OSGIN2: variants seen among roughly 807,000 people sequenced by gnomAD.
OSGIN2 encodes oxidative stress induced growth inhibitor family member 2, also known as oxidative stress-induced growth inhibitor 2.
In OSGIN2, 19 loss-of-function variants were observed where a neutral mutation model predicts 53.8. The ratio of observed to expected loss-of-function variants is 0.35; its 90% confidence interval spans 0.25 to 0.52. OSGIN2 has a LOEUF of 0.52. OSGIN2 is among the 20% of genes least tolerant of loss of function. OSGIN2 has a pLI of 0.95. For missense variants in OSGIN2, 520 were observed against 662.7 expected (o/e 0.78, Z 2.36); for synonymous variants, 236 against 236.0 (o/e 1.00, Z 0.00).
chr8:89,924,182 A>G (rs897498688), intron 5 of OSGIN2, among the ~76,000 whole-genome samples: 1 of 152,178 alleles, frequency 6.6e-6, no homozygotes, highest in Non-Finnish European at 1.5e-5. Flanking sequence ...CCAATTTTCA[A>G]ATATCCACAT....
chr8:89,919,081 T>C (rs912953502), intron 4 of OSGIN2, among the ~76,000 whole-genome samples: 1 of 152,210 alleles, frequency 6.6e-6, no homozygotes, highest in African/African-American at 2.4e-5. Context: ...GTATGTAGAC[T>C]TCGTAATGTA....
intron 1 of OSGIN2, among the ~76,000 whole-genome samples, chr8:89,907,178 GT>G (rs1377565980): frequency 6.6e-6 from 1 of 152,102 alleles, no homozygotes; most frequent in Non-Finnish European, 1.5e-5. Context: ...TGGATGCATA[GT>G]TTGCAAAAAT....
intron 1 of OSGIN2, among the ~76,000 whole-genome samples, chr8:89,907,171 A>G (rs1175279146): frequency 6.6e-6 from 1 of 152,032 alleles, no homozygotes; most frequent in African/African-American, 2.4e-5. Context: ...CCTTTGTTGG[A>G]TGCATAGTTT....
intron 4 of OSGIN2, among the ~76,000 whole-genome samples, chr8:89,920,415 A>G (rs940682602): frequency 3.3e-5 from 5 of 152,246 alleles, no homozygotes; most frequent in African/African-American, 1.2e-4. Flanking sequence ...TAGAGGTCAT[A>G]GGTATAACAG....
intron 4 of OSGIN2, among the ~76,000 whole-genome samples, chr8:89,920,625 GCTT>G (rs1809178076): frequency 6.6e-6 from 1 of 152,150 alleles, no homozygotes; most frequent in Non-Finnish European, 1.5e-5. Context: ...GGAGGGAAAA[GCTT>G]CTTTGTTGCT....
intron 3 of OSGIN2, 141 bp from the exon 4 acceptor site, chr8:89,914,414 T>C: frequency 1.4e-6 from 1 of 710,446 alleles, no homozygotes; most frequent in Non-Finnish European, 2.3e-6. Flanking sequence ...TGAATTATTT[T>C]CTAATGGAGA....
chr8:89,905,608 C>G (rs1167261231), intron 1 of OSGIN2, among the ~76,000 whole-genome samples: 2 of 152,102 alleles, frequency 1.3e-5, no homozygotes, highest in African/African-American at 4.8e-5. Context: ...GTTTTTGTTT[C>G]CTTGTTTTTC....
In OSGIN2 at chr8:89,902,675, A is replaced by G; in HGVS notation, c.-119A>G. The G allele has an allele frequency of 3.9e-6, 1 of 253,904 alleles. No homozygotes were observed. The highest frequency in any genetic ancestry group is 6.2e-6 in the Non-Finnish European group (1 of 160,122). The allele number at this position is 253,904 out of a possible 1,614,324, so 15.7% of individuals were successfully genotyped here. On this transcript the variant is annotated 5_prime_UTR_variant, in exon 1 of 6. Transcript: ENST00000451899. ...CCGCGGCAACGGCGAGGCGCGAGGC[A>G]GGGGCGCCCGGCAGACCCCGCGACC...
chr8:89,909,031 A>AT (rs1165001540), intron 1 of OSGIN2, among the ~76,000 whole-genome samples: 17 of 117,062 alleles, frequency 1.5e-4, no homozygotes, highest in East Asian at 2.4e-4. Flanking sequence ...AAAAAAAAAA[A>AT]AAAAAAATAT....
intron 1 of OSGIN2, among the ~76,000 whole-genome samples, chr8:89,908,101 C>T (rs1483165086): frequency 6.6e-6 from 1 of 152,116 alleles, no homozygotes; most frequent in Non-Finnish European, 1.5e-5. Context: ...GAATATAAAA[C>T]ATGTTAAATG....
rs1490012689 is a variant in OSGIN2 at position 89,925,221 on chromosome 8, ATATT to A, written c.1342_1345del (p.Phe448SerfsTer6). ...CCAAAGCGTTTCTGGATTGAAGAAAATATTTAAGCTGTCTGCAGCAGTAGTATTG... is the reference window on the plus strand; with the variant it reads ...CCAAAGCGTTTCTGGATTGAAGAAAATAAGCTGTCTGCAGCAGTAGTATTG... On this transcript the variant is annotated frameshift_variant, in exon 6 of 6. Coordinates refer to ENST00000451899, the MANE Select transcript of OSGIN2 (RefSeq NM_001126111.3). LOFTEE classifies it high-confidence loss of function. 3.7e-6 allele frequency: 6 copies of A among 1,613,992 alleles called. No individual in the cohort carries two copies. Among genetic ancestry groups the A allele is most frequent in the African/African-American group, 2.7e-5 (2 of 74,942 alleles).
chr8:89,920,128 T>C (rs190580474), intron 4 of OSGIN2, among the ~76,000 whole-genome samples: 28 of 152,252 alleles, frequency 1.8e-4, no homozygotes, highest in Admixed American at 9.8e-4. Context: ...AATACATTCT[T>C]AACAGCTCCT....
intron 1 of OSGIN2, among the ~76,000 whole-genome samples, chr8:89,903,133 G>A (rs1808763261): frequency 6.6e-6 from 1 of 152,316 alleles, no homozygotes; most frequent in East Asian, 1.9e-4. Context: ...TCCCAGTAGT[G>A]CAAAGTTTTA....
Position 89,925,651 on chromosome 8 carries a change from A to G in OSGIN2, c.*119A>G, listed in dbSNP as rs1168219782. On this transcript the variant is annotated 3_prime_UTR_variant, in exon 6 of 6. Transcript: ENST00000451899. Reference sequence around the variant, plus strand: ...GTTAACTGAAGGAGAGCCTCAAACTATAGTAACTTCATTTTTAAAAGTTAC... The same window carrying G: ...GTTAACTGAAGGAGAGCCTCAAACTGTAGTAACTTCATTTTTAAAAGTTAC... 1.5e-6 allele frequency: 1 copy of G among 683,926 alleles called. No homozygotes were observed. Among genetic ancestry groups the G allele is most frequent in the Non-Finnish European group, 2.4e-6 (1 of 417,268 alleles). 42.4% of individuals were successfully genotyped at this position (683,926 alleles called of 1,614,324 possible).
rs146920739 is a variant in OSGIN2, at chr8:89,922,018, A to G, written c.620+847A>G. On this transcript the variant is annotated intron_variant, in intron 5 of 5. Transcript: ENST00000451899. ...GGAAGAAATCTCACCTTGGAAAACT[A>G]TAAATTTATTTATTTTAAGGGGAAA... Among the ~76,000 whole-genome samples, 440 of 152,268 alleles carry G rather than the reference A, an allele frequency of 2.9e-3. 1 individual carries two copies. Among genetic ancestry groups the G allele is most frequent in the African/African-American group, 9.8e-3 (406 of 41,578 alleles).
chr8:89,902,920 G>A (rs1808754957), intron 1 of OSGIN2, 83 bp downstream of exon 1: 5 of 1,008,282 alleles, frequency 5.0e-6, no homozygotes, highest in South Asian at 5.0e-5. Flanking sequence ...GGCCGGGACC[G>A]GGGTGGAGGG....
chr8:89,917,842 C>T (rs927865769), intron 4 of OSGIN2, among the ~76,000 whole-genome samples: 1 of 152,184 alleles, frequency 6.6e-6, no homozygotes, highest in Non-Finnish European at 1.5e-5. Context: ...CAGCCACATT[C>T]TGGATCCCTG....
At chr8:89,903,759 C>G (rs1379245998) in intron 1 of OSGIN2, among the ~76,000 whole-genome samples, 1 of 152,162 alleles carries the variant, frequency 6.6e-6, no homozygotes, top group Non-Finnish European at 1.5e-5. Context: ...CAGTAGAGAT[C>G]ATAAAATATG....
In OSGIN2 at chr8:89,926,176, TCTAATTTATTAC is replaced by T. The variant is rs1563481878; in HGVS notation, c.*646_*657del. ...ATTTTGAAATTATCAATTGTATAAA[TCTAATTTATTAC>T]CAAATAGGGTCTTTTAAAAAATATT... On this transcript the variant is annotated 3_prime_UTR_variant, in exon 6 of 6. Coordinates refer to ENST00000451899, the MANE Select transcript of OSGIN2 (RefSeq NM_001126111.3). 6.6e-6 allele frequency: 1 copy of T among 152,190 alleles called. No homozygotes were observed. Among genetic ancestry groups the T allele is most frequent in the South Asian group, 2.1e-4 (1 of 4,838 alleles). 9.4% of individuals were successfully genotyped at this position (152,190 alleles called of 1,614,324 possible). A position where few individuals can be genotyped will look rare whatever the true frequency, so the allele number is the denominator to read the frequency against.
Sources: allele counts gnomAD v4.1 joint callset (sites outside exome capture counted in the v4.1 genomes callset), GRCh38; gene constraint gnomAD v4.1.1; transcripts MANE v1.5; gene names NCBI Gene and HGNC (gene_info 2026-07-23, HGNC 2026-07-21).